ZC3H18: variants seen among roughly 807,000 people sequenced by gnomAD.
ZC3H18 encodes zinc finger CCCH-type containing 18.
ZC3H18 carries 8 observed loss-of-function variants against 106.1 expected under a neutral mutation model. That is an observed-to-expected ratio of 0.08 (90% CI 0.04 to 0.14). ZC3H18 has a LOEUF of 0.14. Among genes scored for constraint, ZC3H18 ranks in the 10% least tolerant of loss-of-function variants. The probability of loss-of-function intolerance (pLI) is 1.00; values close to 1 mark genes in which losing one functional copy is unlikely to be tolerated. For synonymous variants in ZC3H18, 635 were observed against 522.1 expected (o/e 1.22, Z -2.95); for missense variants, 1,318 against 1,278.4 (o/e 1.03, Z -0.47).
chr16:88,574,629 A>G (rs1275913894), intron 1 of ZC3H18, among the ~76,000 whole-genome samples: 1 of 148,912 alleles, frequency 6.7e-6, no homozygotes, highest in East Asian at 2.0e-4. Flanking sequence ...CAGCCTCCCA[A>G]GTAGCTGGGA....
At chr16:88,610,554 C>G (rs1366024298) in intron 7 of ZC3H18, among the ~76,000 whole-genome samples, 1 of 152,226 alleles carries the variant, frequency 6.6e-6, no homozygotes. Context: ...GAGGGAGGGG[C>G]AGCAGGGAGG....
At chr16:88,591,013 C>G (rs1915720894) in intron 3 of ZC3H18, among the ~76,000 whole-genome samples, 1 of 149,978 alleles carries the variant, frequency 6.7e-6, no homozygotes, top group South Asian at 2.1e-4. Flanking sequence ...CTCTGTCACC[C>G]AGGCTGGAGT....
In ZC3H18 at chr16:88,627,338, C is replaced by T. The variant is rs1906373592; in HGVS notation, c.2109-284C>T. 1 of 321,306 alleles carries T rather than the reference C, an allele frequency of 3.1e-6. No homozygotes were observed. Among genetic ancestry groups the T allele is most frequent in the Non-Finnish European group, 5.7e-6 (1 of 174,182 alleles). The allele number at this position is 321,306 out of a possible 1,614,324, so 19.9% of individuals were successfully genotyped here. On this transcript the variant is annotated intron_variant, in intron 13 of 17. Transcript: ENST00000301011. This position sits in a 1 kb window ranked among gnomAD's most constrained non-coding sequence, Gnocchi z 4.5. ...GGGTCTCAGACCCCATTGCTCGTGACGAGATCTGCCCATCTCAGTCTCCCA... is the reference window on the plus strand; with the variant it reads ...GGGTCTCAGACCCCATTGCTCGTGATGAGATCTGCCCATCTCAGTCTCCCA...
intron 1 of ZC3H18, among the ~76,000 whole-genome samples, chr16:88,576,284 C>G (rs956757904): frequency 6.6e-6 from 1 of 152,108 alleles, no homozygotes; most frequent in Non-Finnish European, 1.5e-5. Context: ...TCAAATGATC[C>G]TCCCGTTGCA....
chr16:88,593,799 T>G (rs1904312048), intron 3 of ZC3H18, among the ~76,000 whole-genome samples: 1 of 152,218 alleles, frequency 6.6e-6, no homozygotes, highest in Non-Finnish European at 1.5e-5. Flanking sequence ...GTATTAAAAT[T>G]GGAGCTTTCA....
At chr16:88,587,690 G>A in intron 3 of ZC3H18, 1 of 1,360,330 alleles carries the variant, frequency 7.4e-7, no homozygotes, top group East Asian at 2.5e-5. Context: ...CCTTCTCCTG[G>A]ATCCAGAACA....
At chr16:88,576,970 A>G in intron 1 of ZC3H18, 140 bp from the exon 2 acceptor site, 1 of 779,222 alleles carries the variant, frequency 1.3e-6, no homozygotes, top group South Asian at 2.2e-5. Context: ...CTTTCTCTGC[A>G]GAGTGGAGTG....
chr16:88,627,845 A>C lies in ZC3H18; in HGVS notation c.2269+63A>C. On this transcript the variant is annotated intron_variant, in intron 14 of 17. Transcript: ENST00000301011. This position sits in a 1 kb window ranked among gnomAD's most constrained non-coding sequence, Gnocchi z 4.5. The stretch of plus-strand genomic sequence containing the variant: ...CGGGGGAGGAGGGCGGCATCAGCAC[A>C]GACTTTGCCTGGCTGTTGGTGTGGC... 6.2e-7 allele frequency: 1 copy of C among 1,612,204 alleles called. No homozygotes were observed. Among genetic ancestry groups the C allele is most frequent in the Non-Finnish European group, 8.5e-7 (1 of 1,178,868 alleles).
intron 1 of ZC3H18, among the ~76,000 whole-genome samples, chr16:88,574,794 A>C (rs991784967): frequency 7.1e-5 from 10 of 141,818 alleles, no homozygotes; most frequent in African/African-American, 2.1e-4. Context: ...GATTACAGGC[A>C]TGAACCACCG....
chr16:88,605,269 C>G (rs1383681964), intron 6 of ZC3H18, among the ~76,000 whole-genome samples: 1 of 152,270 alleles, frequency 6.6e-6, no homozygotes, highest in Non-Finnish European at 1.5e-5. Flanking sequence ...GTCCCACAGA[C>G]TCAGGGCAGA....
intron 5 of ZC3H18, among the ~76,000 whole-genome samples, chr16:88,599,515 C>T (rs953913801): frequency 6.6e-6 from 1 of 152,206 alleles, no homozygotes; most frequent in East Asian, 1.9e-4. Flanking sequence ...TGACTGAACC[C>T]TGGATCTAGT....
At chr16:88,572,144 G>A (rs1490300870) in intron 1 of ZC3H18, among the ~76,000 whole-genome samples, 1 of 152,250 alleles carries the variant, frequency 6.6e-6, no homozygotes, top group Non-Finnish European at 1.5e-5. Context: ...TTGAGAGGAG[G>A]AAGATTTGCC....
At position 88,627,456 on chromosome 16, in the gene ZC3H18, C is replaced by A; in HGVS notation, c.2109-166C>A. On this transcript the variant is annotated intron_variant, in intron 13 of 17. Transcript: ENST00000301011. The surrounding 1 kb of genome is among the most constrained non-coding windows in gnomAD (Gnocchi z 4.5). ...GCCCTGGCCTAGCCATGGGGACGTC[C>A]CTTACTTTGTAACCCTGAAACTGCC... 1.1e-6 allele frequency: 1 copy of A among 901,514 alleles called. No individual in the cohort carries two copies. The highest frequency in any genetic ancestry group is 1.6e-6 in the Non-Finnish European group (1 of 614,532). The allele number at this position is 901,514 out of a possible 1,614,324, so 55.8% of individuals were successfully genotyped here.
rs1906674575 is a variant in ZC3H18, at chr16:88,631,245, G to A, written c.2808G>A (p.Lys936=). The stretch of plus-strand genomic sequence containing the variant: ...GGGAGGAGCTGCTGAAACAGCTGAA[G>A]GCCGTGGAGGATGCTATTGCACGCA... The part of the protein sequence containing the change: ...SRREELLKQL[K]AVEDAIARKR... Residue 936 remains lysine, a synonymous_variant, in exon 18 of 18, where the codon AAG becomes AAA. Transcript: ENST00000301011. 1 of 1,611,826 alleles carries A rather than the reference G, an allele frequency of 6.2e-7. No homozygotes were observed. Among genetic ancestry groups the A allele is most frequent in the South Asian group, 1.1e-5 (1 of 90,812 alleles).
At chr16:88,607,991 C>G (rs952517928) in intron 6 of ZC3H18, among the ~76,000 whole-genome samples, 1 of 152,188 alleles carries the variant, frequency 6.6e-6, no homozygotes, top group East Asian at 1.9e-4. Flanking sequence ...TCCACTCTGC[C>G]TCCTAACTGG....
chr16:88,573,303 A>C (rs542902056), intron 1 of ZC3H18, among the ~76,000 whole-genome samples: 28 of 152,130 alleles, frequency 1.8e-4, no homozygotes, highest in African/African-American at 6.7e-4. Flanking sequence ...CATTGTAATA[A>C]AAAGTGTACG....
At chr16:88,578,258 C>A (rs1447064406) in intron 2 of ZC3H18, among the ~76,000 whole-genome samples, 1 of 152,230 alleles carries the variant, frequency 6.6e-6, no homozygotes, top group Non-Finnish European at 1.5e-5. Flanking sequence ...GGACATATCC[C>A]TGAAAAGACT....
At chr16:88,608,903 A>G in intron 6 of ZC3H18, 31 bp from the exon 7 acceptor site, 2 of 1,568,426 alleles carry the variant, frequency 1.3e-6, no homozygotes, top group Non-Finnish European at 8.8e-7. Flanking sequence ...CTCCTAAGTG[A>G]TGAGAGTTCT....
chr16:88,616,478 G>T (rs1358507766), intron 8 of ZC3H18, among the ~76,000 whole-genome samples: 1 of 152,186 alleles, frequency 6.6e-6, no homozygotes, highest in East Asian at 1.9e-4. Flanking sequence ...GGGTGCTGGG[G>T]AGTCCCCGGT....
Sources: gnomAD v4.1 joint callset for allele counts (sites outside exome capture counted in the v4.1 genomes callset) on GRCh38, gnomAD v4.1.1 for gene constraint, Gnocchi (gnomAD v3.1) non-coding constraint, MANE v1.5 for transcripts, NCBI Gene and HGNC (gene_info 2026-07-23, HGNC 2026-07-21) for gene names.